AP1S3: variants seen among roughly 807,000 people sequenced by gnomAD.
AP1S3 encodes adaptor related protein complex 1 subunit sigma 3, also known as AP-1 complex subunit sigma-3.
Under a neutral mutation model 20.9 loss-of-function variants are expected in AP1S3, and 10 were observed. The ratio of observed to expected loss-of-function variants is 0.48; its 90% CI spans 0.29 to 0.81. AP1S3 has a LOEUF of 0.81. AP1S3 is among the 30% of genes least tolerant of loss of function. The pLI, the probability that AP1S3 is intolerant of heterozygous loss-of-function variation, is 0.08. For synonymous variants in AP1S3, 41 were observed against 61.5 expected, an observed-to-expected ratio of 0.67 and a Z score of 1.56; for missense variants, 154 against 183.8, an observed-to-expected ratio of 0.84 and a Z score of 0.94.
intron 1 of AP1S3, among the ~76,000 whole-genome samples, chr2:223,828,058 TAAAAAAAAAAAAAAAAA>T (rs527671959): frequency 2.0e-4 from 19 of 94,670 alleles, no homozygotes; most frequent in South Asian, 9.9e-4. Flanking sequence ...AGACTTCATC[TAAAAAAAAAAAAAAAAA>T]AAAAAAAAAA....
intron 1 of AP1S3, among the ~76,000 whole-genome samples, chr2:223,809,531 G>A (rs908304962): frequency 2.0e-5 from 3 of 151,778 alleles, no homozygotes; most frequent in African/African-American, 7.3e-5. Flanking sequence ...TGTAATCCCA[G>A]CTACTCGGGA....
chr2:223,814,087 C>T (rs964507680), intron 1 of AP1S3, among the ~76,000 whole-genome samples: 49 of 152,184 alleles, frequency 3.2e-4, no homozygotes, highest in African/African-American at 1.2e-3. Flanking sequence ...TCAGATGTGC[C>T]CCAATATTTA....
chr2:223,833,313 C>T (rs1304846541), intron 1 of AP1S3, among the ~76,000 whole-genome samples: 1 of 152,090 alleles, frequency 6.6e-6, no homozygotes, highest in African/African-American at 2.4e-5. Flanking sequence ...CATTGCCAAC[C>T]ATTCAACAGT....
chr2:223,828,143 A>G (rs1267936625), intron 1 of AP1S3, among the ~76,000 whole-genome samples: 3 of 149,472 alleles, frequency 2.0e-5, no homozygotes, highest in African/African-American at 7.3e-5. Context: ...TTTATGAAAT[A>G]TGTTCCAGGT....
intron 1 of AP1S3, among the ~76,000 whole-genome samples, chr2:223,805,367 A>G (rs114867908): frequency 0.021 from 3,149 of 152,144 alleles, 113 homozygotes; most frequent in African/African-American, 0.071. Context: ...CGCTTGAAAC[A>G]GGGAGGCAGG....
chr2:223,767,334 C>T (rs1207033819), intron 3 of AP1S3, among the ~76,000 whole-genome samples: 2 of 152,168 alleles, frequency 1.3e-5, no homozygotes, highest in Non-Finnish European at 2.9e-5. Context: ...CCACTTAATG[C>T]CTGTTTTTCT....
intron 1 of AP1S3, among the ~76,000 whole-genome samples, chr2:223,787,777 T>C (rs972989835): frequency 3.9e-5 from 6 of 151,994 alleles, no homozygotes; most frequent in Non-Finnish European, 8.8e-5. Flanking sequence ...AACTACACCA[T>C]ACGATAAGTT....
At position 223,781,475 on chromosome 2, in the gene AP1S3, C is replaced by T. The variant is rs529755609; in HGVS notation, c.4-3606G>A. On this transcript the variant is annotated intron_variant, in intron 1 of 4. Coordinates refer to ENST00000396654, the MANE Select transcript of AP1S3 (RefSeq NM_001039569.2). ...TCTTGGCCAGGTGTGGTGGCTCACG[C>T]TTGTAATCCTGGCACTTTGGAAGGC... 4.6e-5 allele frequency among the ~76,000 whole-genome samples: 7 copies of T among 152,050 alleles called. No homozygotes were observed. In the East Asian group the frequency reaches 1.4e-3, roughly 29 times the overall value.
rs1199902101 is a variant in AP1S3, at chr2:223,757,783, C to T, written c.*932G>A. ...ATATAGGCTGTGATAATCTTAAATG[C>T]TCTAAGTAAGCCATGTAATAAGTCT... On this transcript the variant is annotated 3_prime_UTR_variant, in exon 5 of 5. Transcript: ENST00000396654. 6 of 985,330 alleles carry T rather than the reference C, an allele frequency of 6.1e-6. No homozygotes were observed. Among genetic ancestry groups the T allele is most frequent in the East Asian group, 1.1e-4 (1 of 8,812 alleles). The allele number at this position is 985,330 out of a possible 1,614,324, so 61.0% of individuals were successfully genotyped here. A position where few individuals can be genotyped will look rare whatever the true frequency, so the allele number is the denominator to read the frequency against.
chr2:223,821,446 C>A (rs1691984491), intron 1 of AP1S3, among the ~76,000 whole-genome samples: 5 of 152,342 alleles, frequency 3.3e-5, no homozygotes, highest in Middle Eastern at 3.4e-3. Context: ...TAAGCCACCA[C>A]ACCCAGCCAG....
intron 1 of AP1S3, among the ~76,000 whole-genome samples, chr2:223,816,340 GAAA>G (rs72262557): frequency 0.33 from 48,781 of 147,910 alleles, 8,270 homozygotes; most frequent in Middle Eastern, 0.43. Flanking sequence ...CCATGCTTCT[GAAA>G]AAAAAAAAAC....
At chr2:223,760,985 C>A (rs149439057) in intron 4 of AP1S3, among the ~76,000 whole-genome samples, 1 of 152,252 alleles carries the variant, frequency 6.6e-6, no homozygotes, top group African/African-American at 2.4e-5. Context: ...GGTTCAGTGG[C>A]CTCTAGTCAT....
chr2:223,770,213 C>G, intron 3 of AP1S3: 1 of 1,550,748 alleles, frequency 6.4e-7, no homozygotes, highest in Non-Finnish European at 8.7e-7. Context: ...TCAGAAAAGG[C>G]AGAAGTCAGG....
Position 223,757,282 on chromosome 2 carries a change from T to C in AP1S3, c.*1433A>G, listed in dbSNP as rs1690245355. 6.5e-6 allele frequency: 1 copy of C among 154,728 alleles called. No individual in the cohort carries two copies. Among genetic ancestry groups the C allele is most frequent in the Admixed American group, 6.5e-5 (1 of 15,290 alleles). The allele number at this position is 154,728 out of a possible 1,614,324, so 9.6% of individuals were successfully genotyped here. A position where few individuals can be genotyped will look rare whatever the true frequency, so the allele number is the denominator to read the frequency against. ...GATTCTCCTGCCTCAGCCTCCCAAG[T>C]AGCTGGGACTACAGGCACGCACCAC... is the stretch of plus-strand genomic sequence containing the variant. On this transcript the variant is annotated 3_prime_UTR_variant, in exon 5 of 5. Coordinates refer to ENST00000396654, the MANE Select transcript of AP1S3 (RefSeq NM_001039569.2).
At chr2:223,827,235 T>C (rs2106131036) in intron 1 of AP1S3, among the ~76,000 whole-genome samples, 1 of 152,288 alleles carries the variant, frequency 6.6e-6, no homozygotes, top group South Asian at 2.1e-4. Context: ...ACTGAAGACA[T>C]GACTTCTTAG....
intron 3 of AP1S3, chr2:223,770,427 C>A: frequency 6.8e-7 from 1 of 1,481,406 alleles, no homozygotes; most frequent in Non-Finnish European, 9.0e-7. Flanking sequence ...AGCCATGGGG[C>A]AATTAATTTA....
intron 1 of AP1S3, among the ~76,000 whole-genome samples, chr2:223,825,027 C>T (rs1692091177): frequency 6.6e-6 from 1 of 151,720 alleles, no homozygotes; most frequent in South Asian, 2.1e-4. Flanking sequence ...AACAGTTCCT[C>T]GGCCGGGCTC....
At chr2:223,816,506 A>G (rs1163952559) in intron 1 of AP1S3, among the ~76,000 whole-genome samples, 1 of 152,228 alleles carries the variant, frequency 6.6e-6, no homozygotes, top group African/African-American at 2.4e-5. Context: ...AACCAACAGC[A>G]AGGAACAGAT....
At chr2:223,770,365 AG>A (rs1262078444) in intron 3 of AP1S3, 26 of 1,548,658 alleles carry the variant, frequency 1.7e-5, no homozygotes, top group Non-Finnish European at 2.2e-5. Flanking sequence ...AAAATTCTCC[AG>A]GAACTTCTTA....
Sources: gnomAD v4.1 joint callset for allele counts (sites outside exome capture counted in the v4.1 genomes callset) on GRCh38, gnomAD v4.1.1 for gene constraint, MANE v1.5 for transcripts, NCBI Gene and HGNC (gene_info 2026-07-23, HGNC 2026-07-21) for gene names.